PCSK5: variants seen among roughly 807,000 people sequenced by gnomAD.
PCSK5 encodes prohormone convertase 5.
In PCSK5, 129 loss-of-function variants were observed where a neutral mutation model predicts 233.2. The observed-to-expected ratio is 0.55, with a 90% CI of 0.48 to 0.64. The LOEUF (loss-of-function observed/expected upper bound fraction) is 0.64, where lower values mean the gene tolerates loss of function less well. Ranked by LOEUF, PCSK5 falls within the 30% of genes least tolerant of loss-of-function variation. The pLI, the probability that PCSK5 is intolerant of heterozygous loss-of-function variation, is 0.00. For missense variants in PCSK5, 2,076 were observed against 2,430.1 expected, an observed-to-expected ratio of 0.85 and a Z score of 3.06; for synonymous variants, 825 against 879.2, an observed-to-expected ratio of 0.94 and a Z score of 1.09.
At position 76,323,285 on chromosome 9, in the gene PCSK5, A is replaced by T. The variant is rs768356584; in HGVS notation, c.4336A>T (p.Arg1446Ter). 6.3e-7 allele frequency: 1 copy of T among 1,579,332 alleles called. No individual in the cohort carries two copies. Among genetic ancestry groups the T allele is most frequent in the Non-Finnish European group, 8.7e-7 (1 of 1,149,610 alleles). Reference protein sequence around the residue: ...TYYEKETKECRDCHKSCLTCS... With the variant: ...TYYEKETKEC The stretch of plus-strand genomic sequence containing the variant: ...TTATGAAAAGGAGACTAAGGAGTGC[A>T]GAGGTAAAGACTTCTGGGATTCAAA... The change falls in exon 32 of 38, where the codon AGA (arginine) becomes TGA (stop). Residue 1446 changes from arginine (R) to a stop codon, truncating the protein, a stop_gained. Transcript: ENST00000674117. LOFTEE classifies it high-confidence loss of function.
At chr9:75,932,153 G>A (rs890659234) in intron 1 of PCSK5, among the ~76,000 whole-genome samples, 5 of 152,182 alleles carry the variant, frequency 3.3e-5, no homozygotes, top group Admixed American at 6.5e-5. Context: ...ATAATCTTCA[G>A]TTCCGCAGTC....
intron 31 of PCSK5, among the ~76,000 whole-genome samples, chr9:76,322,230 G>A (rs1304343261): frequency 3.3e-5 from 5 of 152,170 alleles, no homozygotes; most frequent in African/African-American, 4.8e-5. Context: ...GATTACAAGC[G>A]TGAGGCACCA....
intron 21 of PCSK5, 52 bp downstream of exon 21, chr9:76,227,657 T>G (rs1457317662): frequency 8.3e-5 from 100 of 1,201,414 alleles, no homozygotes; most frequent in Non-Finnish European, 1.2e-4. Context: ...GATTGCAGGG[T>G]GGAGAGAGGA....
At position 76,287,819 on chromosome 9, in the gene PCSK5, A is replaced by C. The variant is rs1587837848; in HGVS notation, c.3143-4414A>C. 5 of 213,596 alleles carry C rather than the reference A, an allele frequency of 2.3e-5. No individual in the cohort carries two copies. The East Asian group carries it at 5.6e-4, about 24-fold the overall frequency. 13.2% of individuals were successfully genotyped at this position (213,596 alleles called of 1,614,324 possible). Reference sequence around the variant, plus strand: ...AACCTAGGTGGGCAGGCCATGCTCCAGGTCTAAGAGGCAGGTCTGACAGAC... The same window carrying C: ...AACCTAGGTGGGCAGGCCATGCTCCCGGTCTAAGAGGCAGGTCTGACAGAC... On this transcript the variant is annotated intron_variant, in intron 24 of 37. Coordinates refer to ENST00000674117, the MANE Select transcript of PCSK5 (RefSeq NM_001372043.1).
intron 3 of PCSK5, among the ~76,000 whole-genome samples, chr9:75,995,744 T>TACACACAC (rs35132294): frequency 0.16 from 22,916 of 145,796 alleles, 1,906 homozygotes; most frequent in Non-Finnish European, 0.18. Flanking sequence ...GATTCATTCA[T>TACACACAC]ACACACACAC....
intron 24 of PCSK5, among the ~76,000 whole-genome samples, chr9:76,270,785 G>A (rs1460859925): frequency 2.6e-5 from 4 of 152,136 alleles, no homozygotes; most frequent in Admixed American, 2.6e-4. Flanking sequence ...TTTAAAGTGG[G>A]TGTGTGAATA....
chr9:76,335,906 A>G (rs988681532), intron 34 of PCSK5, among the ~76,000 whole-genome samples: 4 of 152,224 alleles, frequency 2.6e-5, no homozygotes, highest in African/African-American at 9.6e-5. Context: ...ACTGAGGATC[A>G]GAGGGGTTAA....
At chr9:76,143,094 G>T (rs550673116) in intron 10 of PCSK5, among the ~76,000 whole-genome samples, 2 of 152,250 alleles carry the variant, frequency 1.3e-5, no homozygotes, top group South Asian at 2.1e-4. Flanking sequence ...AGATGTTTGA[G>T]AACTTGAGGG....
chr9:76,088,690 G>A (rs1260017319), intron 7 of PCSK5, among the ~76,000 whole-genome samples: 1 of 152,016 alleles, frequency 6.6e-6, no homozygotes, highest in African/African-American at 2.4e-5. Flanking sequence ...AACAAGTCTG[G>A]GGCTTAAGTA....
chr9:76,203,327 C>T (rs1824987972), intron 20 of PCSK5, among the ~76,000 whole-genome samples: 1 of 152,060 alleles, frequency 6.6e-6, no homozygotes, highest in East Asian at 1.9e-4. Context: ...GATTTCTAAA[C>T]TTGCATTCTC....
At chr9:76,093,080 C>CTTTTTT (rs71372045) in intron 7 of PCSK5, among the ~76,000 whole-genome samples, 9 of 85,702 alleles carry the variant, frequency 1.1e-4, no homozygotes, top group Admixed American at 3.2e-4. Context: ...TTGTCTTTCC[C>CTTTTTT]TTTTTTTTTT....
rs577812455 is a variant in PCSK5, at chr9:76,118,825, A to G, written c.1208+11474A>G. Among the ~76,000 whole-genome samples the G allele has an allele frequency of 2.6e-5, 4 of 152,160 alleles. No homozygotes were observed. In the East Asian group the frequency reaches 7.7e-4, roughly 29 times the overall value. On this transcript the variant is annotated intron_variant, in intron 9 of 37. Transcript: ENST00000674117. ...AACTTTAAGCATGTTTTAAGCTTTT[A>G]GTATAACTCCTAATGCTATGATGCT...
In PCSK5 at chr9:76,359,010, GAT is replaced by G; in HGVS notation, c.*89_*90del. ...TTTGGTTTTATCCCCACACCAGGCT[GAT>G]GTGTGAGTTTTTCTATTTGTCTTCT... On this transcript the variant is annotated 3_prime_UTR_variant, in exon 38 of 38. Transcript: ENST00000674117. 3 of 1,038,396 alleles carry G rather than the reference GAT, an allele frequency of 2.9e-6. No individual in the cohort carries two copies. The highest frequency in any genetic ancestry group is 4.3e-6 in the Non-Finnish European group (3 of 701,324). 64.3% of individuals were successfully genotyped at this position (1,038,396 alleles called of 1,614,324 possible). A position where few individuals can be genotyped will look rare whatever the true frequency, so the allele number is the denominator to read the frequency against.
intron 9 of PCSK5, among the ~76,000 whole-genome samples, chr9:76,111,575 AT>A (rs938379066): frequency 2.6e-5 from 4 of 151,920 alleles, no homozygotes. Flanking sequence ...TAATAGTATG[AT>A]TTTTTTTCTG....
chr9:75,930,995 C>T lies in PCSK5; in HGVS notation c.193-1384C>T, dbSNP rs990326782. On this transcript the variant is annotated intron_variant, in intron 1 of 37. Coordinates refer to ENST00000674117, the MANE Select transcript of PCSK5 (RefSeq NM_001372043.1). The stretch of plus-strand genomic sequence containing the variant: ...TTGAGATGAGAGGCTTCCCCGCCTG[C>T]ATTCCCCGCTTGTTTTCAGAGTGCA... 3.9e-5 allele frequency among the ~76,000 whole-genome samples: 6 copies of T among 152,300 alleles called. No individual in the cohort carries two copies. In the East Asian group the frequency reaches 7.7e-4, roughly 20 times the overall value.
intron 3 of PCSK5, among the ~76,000 whole-genome samples, chr9:76,009,858 G>A (rs910635056): frequency 6.6e-6 from 1 of 152,092 alleles, no homozygotes; most frequent in Non-Finnish European, 1.5e-5. Flanking sequence ...CTAGGTTTAT[G>A]TTTATGTAGC....
intron 11 of PCSK5, among the ~76,000 whole-genome samples, chr9:76,158,532 G>T (rs1354128954): frequency 1.3e-5 from 2 of 152,110 alleles, no homozygotes; most frequent in African/African-American, 4.8e-5. Flanking sequence ...ACAGAGCAAG[G>T]GATGTGAACC....
At chr9:76,098,581 G>A (rs1207330653) in intron 8 of PCSK5, among the ~76,000 whole-genome samples, 2 of 152,170 alleles carry the variant, frequency 1.3e-5, no homozygotes, top group Non-Finnish European at 2.9e-5. Flanking sequence ...TTTACCTCTG[G>A]AGTTTGAAAT....
intron 2 of PCSK5, among the ~76,000 whole-genome samples, chr9:75,971,674 A>G (rs969751342): frequency 6.6e-6 from 1 of 152,194 alleles, no homozygotes; most frequent in Non-Finnish European, 1.5e-5. Flanking sequence ...TTGCATTTCT[A>G]TAATGATCAG....
Sources: allele counts gnomAD v4.1 joint callset (sites outside exome capture counted in the v4.1 genomes callset), GRCh38; gene constraint gnomAD v4.1.1; transcripts MANE v1.5; gene names NCBI Gene and HGNC (gene_info 2026-07-23, HGNC 2026-07-21).